The following PHF24 variants were observed in gnomAD, a reference collection of about 807,000 sequenced individuals.
PHF24 encodes PHD finger protein 24.
In PHF24, 25 loss-of-function variants were observed where a neutral mutation model predicts 42.6. That is an observed-to-expected ratio of 0.59 (90% CI 0.43 to 0.82). The LOEUF is 0.82. PHF24 is among the 40% of genes least tolerant of loss of function. The pLI is 0.00. For synonymous variants in PHF24, 185 were observed against 204.8 expected (o/e 0.90, Z 0.83); for missense variants, 470 against 538.1 (o/e 0.87, Z 1.25).
the PHF24 span, among the ~76,000 whole-genome samples, chr9:34,845,772 C>T: frequency 1.8e-4 from 24 of 133,480 alleles, no homozygotes; most frequent in African/African-American, 6.5e-4. Context: ...ACAACAGTCC[C>T]CAGAGTGTGA....
the PHF24 span, among the ~76,000 whole-genome samples, chr9:34,926,714 C>G: frequency 6.6e-6 from 1 of 152,062 alleles, no homozygotes; most frequent in Non-Finnish European, 1.5e-5. The surrounding 1 kb of genome is among the most constrained non-coding windows in gnomAD (Gnocchi z 4.3). Flanking sequence ...TGCTCAGGCT[C>G]ATGACACAGC....
chr9:34,870,580 C>CT, the PHF24 span, among the ~76,000 whole-genome samples: 5 of 149,020 alleles, frequency 3.4e-5, no homozygotes, highest in African/African-American at 1.2e-4. Context: ...TCTTCCATGT[C>CT]TTTTTTTTTG....
the PHF24 span, among the ~76,000 whole-genome samples, chr9:34,921,569 A>G: frequency 6.6e-6 from 1 of 152,232 alleles, no homozygotes; most frequent in Non-Finnish European, 1.5e-5. Flanking sequence ...ACAGCAGGTA[A>G]CTTTACAAAT....
At chr9:34,976,478 G>C in intron 4 of PHF24, 57 bp from the exon 5 acceptor site, 1 of 1,559,360 alleles carries the variant, frequency 6.4e-7, no homozygotes, top group Admixed American at 1.7e-5. Flanking sequence ...GGAGGTGATG[G>C]AGGTGCCCTG....
upstream of PHF24, among the ~76,000 whole-genome samples, chr9:34,957,298 T>C (rs988024777): frequency 1.3e-5 from 2 of 152,180 alleles, no homozygotes; most frequent in Non-Finnish European, 2.9e-5. Context: ...GGTAAATAAA[T>C]TGAATGCACA....
the PHF24 span, among the ~76,000 whole-genome samples, chr9:34,767,414 G>C: frequency 2.0e-5 from 3 of 152,228 alleles, no homozygotes; most frequent in African/African-American, 7.2e-5. Flanking sequence ...AATGGCGGAC[G>C]CCCCTCCCCC....
chr9:34,926,966 G>C, the PHF24 span, among the ~76,000 whole-genome samples: 2 of 151,934 alleles, frequency 1.3e-5, no homozygotes, highest in East Asian at 3.9e-4. This position sits in a 1 kb window ranked among gnomAD's most constrained non-coding sequence, Gnocchi z 4.3. Context: ...GGAAATGCAG[G>C]GCCATTAGGC....
the PHF24 span, among the ~76,000 whole-genome samples, chr9:34,817,358 T>TCGCA: frequency 9.2e-5 from 14 of 152,098 alleles, no homozygotes; most frequent in Admixed American, 3.3e-4. Context: ...CATCTTCCTG[T>TCGCA]CGCAGTCTCC....
At chr9:34,728,065 C>G in the PHF24 span, 1 of 1,551,976 alleles carries the variant, frequency 6.4e-7, no homozygotes, top group African/African-American at 1.4e-5. Flanking sequence ...TCAGCTTCTT[C>G]CCGGGAACGT....
chr9:34,972,631 A>C, intron 3 of PHF24, 100 bp downstream of exon 3: 1 of 1,201,464 alleles, frequency 8.3e-7, no homozygotes, highest in Non-Finnish European at 1.1e-6. Flanking sequence ...GAATTTTCCA[A>C]TGGGCTGGGC....
chr9:34,935,519 G>C, the PHF24 span, among the ~76,000 whole-genome samples: 2 of 151,400 alleles, frequency 1.3e-5, no homozygotes, highest in South Asian at 4.2e-4. Flanking sequence ...GCTTGAACTC[G>C]GGAGGCAGAG....
At chr9:34,677,340 T>C in the PHF24 span, among the ~76,000 whole-genome samples, 1 of 151,620 alleles carries the variant, frequency 6.6e-6, no homozygotes, top group South Asian at 2.1e-4. Flanking sequence ...ACTTCCCCAT[T>C]CTTTGTACAA....
chr9:34,810,035 G>T, the PHF24 span, among the ~76,000 whole-genome samples: 1 of 151,132 alleles, frequency 6.6e-6, no homozygotes, highest in Non-Finnish European at 1.5e-5. Context: ...CGCCGCCCAC[G>T]CCTCAACTCG....
chr9:34,976,212 C>A, exon 4 of PHF24: 2 of 1,613,860 alleles, frequency 1.2e-6, no homozygotes, highest in African/African-American at 2.7e-5. Flanking sequence ...GACCTTTCAG[C>A]GGTGTAAAGT....
At chr9:34,870,580 C>CTTTGT in the PHF24 span, among the ~76,000 whole-genome samples, 1 of 149,042 alleles carries the variant, frequency 6.7e-6, no homozygotes, top group Non-Finnish European at 1.5e-5. Context: ...TCTTCCATGT[C>CTTTGT]TTTTTTTTTG....
chr9:34,904,705 C>T, the PHF24 span, among the ~76,000 whole-genome samples: 1 of 148,708 alleles, frequency 6.7e-6, no homozygotes, highest in African/African-American at 2.5e-5. Context: ...TATGTCCTTT[C>T]CTGGTTTTGG....
At chr9:34,940,017 T>C in the PHF24 span, among the ~76,000 whole-genome samples, 1 of 151,470 alleles carries the variant, frequency 6.6e-6, no homozygotes, top group Non-Finnish European at 1.5e-5. Flanking sequence ...AAATCACTTC[T>C]CTTCTAACTA....
chr9:34,762,533 T>C, the PHF24 span, among the ~76,000 whole-genome samples: 2 of 145,240 alleles, frequency 1.4e-5, no homozygotes, highest in African/African-American at 5.2e-5. Flanking sequence ...TGCCCACTTT[T>C]TGATGGGGTT....
chr9:34,802,849 G>A, the PHF24 span, among the ~76,000 whole-genome samples: 1 of 152,130 alleles, frequency 6.6e-6, no homozygotes, highest in East Asian at 1.9e-4. Flanking sequence ...TCCTCGGGGT[G>A]TTTCACTTTG....
Sources: allele counts gnomAD v4.1 joint callset (sites outside exome capture counted in the v4.1 genomes callset), GRCh38; gene constraint gnomAD v4.1.1; non-coding constraint Gnocchi (gnomAD v3.1); transcripts MANE v1.5; gene names NCBI Gene and HGNC (gene_info 2026-07-23, HGNC 2026-07-21).